Variants in ZRANB3 observed in about 807,000 individuals in gnomAD.
ZRANB3 encodes the protein zinc finger RANBP2-type containing 3.
A neutral mutation model predicts 133.8 loss-of-function variants in ZRANB3; 125 were observed. The ratio of observed to expected loss-of-function variants is 0.93; its 90% confidence interval spans 0.81 to 1.08. The LOEUF (loss-of-function observed/expected upper bound fraction) is 1.08. Ranked by LOEUF, ZRANB3 falls within the 50% of genes least tolerant of loss-of-function variation. ZRANB3 has a pLI of 0.00. For missense variants in ZRANB3, 1,229 were observed against 1,275.5 expected, an observed-to-expected ratio of 0.96 and a Z score of 0.56; for synonymous variants, 387 against 432.7, an observed-to-expected ratio of 0.89 and a Z score of 1.31.
chr2:135,396,526 C>A (rs768496936), intron 2 of ZRANB3, among the ~76,000 whole-genome samples: 4 of 152,124 alleles, frequency 2.6e-5, no homozygotes, highest in Non-Finnish European at 4.4e-5. Context: ...ATGGGTGGAA[C>A]TAGAGGTCAT....
intron 20 of ZRANB3, among the ~76,000 whole-genome samples, chr2:135,201,761 A>G (rs1444832060): frequency 1.3e-5 from 2 of 152,138 alleles, no homozygotes; most frequent in Non-Finnish European, 2.9e-5. Context: ...ACTGATTAGC[A>G]TCTTTTAAAA....
chr2:135,471,388 G>A (rs942076185), intron 2 of ZRANB3, among the ~76,000 whole-genome samples: 10 of 152,032 alleles, frequency 6.6e-5, no homozygotes, highest in African/African-American at 2.2e-4. Context: ...TAAGGAATAT[G>A]GTAACTTGCA....
chr2:135,244,539 T>A (rs1695701815), intron 12 of ZRANB3, among the ~76,000 whole-genome samples: 1 of 151,916 alleles, frequency 6.6e-6, no homozygotes, highest in Non-Finnish European at 1.5e-5. Flanking sequence ...ACCCAGGAAG[T>A]GGAGGTTGCA....
At chr2:135,351,377 C>T (rs1001809225) in intron 4 of ZRANB3, among the ~76,000 whole-genome samples, 4 of 150,680 alleles carry the variant, frequency 2.7e-5, no homozygotes, top group African/African-American at 9.8e-5. Flanking sequence ...ATGCCATTCT[C>T]CTGTCTCAGC....
chr2:135,321,901 A>G (rs895079823), intron 6 of ZRANB3, among the ~76,000 whole-genome samples: 1 of 151,928 alleles, frequency 6.6e-6, no homozygotes, highest in African/African-American at 2.4e-5. Context: ...TTCACCTCTT[A>G]ACAGTGTTGG....
At chr2:135,270,250 AT>A (rs979024919) in intron 10 of ZRANB3, among the ~76,000 whole-genome samples, 12 of 152,208 alleles carry the variant, frequency 7.9e-5, no homozygotes, top group African/African-American at 2.7e-4. Context: ...GACATCTTTA[AT>A]TTTATAAAAA....
intron 2 of ZRANB3, among the ~76,000 whole-genome samples, chr2:135,485,154 A>AAAACAAAACAAAAC (rs1559030560): frequency 5.9e-5 from 6 of 102,032 alleles, no homozygotes; most frequent in African/African-American, 5.3e-4. Flanking sequence ...CAAACAAAAC[A>AAAACAAAACAAAAC]AAACAAAACA....
At chr2:135,267,272 G>A (rs144335375) in intron 11 of ZRANB3, among the ~76,000 whole-genome samples, 2 of 152,210 alleles carry the variant, frequency 1.3e-5, no homozygotes, top group Non-Finnish European at 2.9e-5. Context: ...GGGTACCTGC[G>A]GAGTTCTGAG....
chr2:135,300,344 T>C (rs1388212489), intron 8 of ZRANB3, among the ~76,000 whole-genome samples: 1 of 152,140 alleles, frequency 6.6e-6, no homozygotes, highest in African/African-American at 2.4e-5. Context: ...TCTTTAAATT[T>C]TTCCTTCTTA....
In ZRANB3 at chr2:135,224,389, T is replaced by C; in HGVS notation, c.2250+37A>G. The C allele has an allele frequency of 2.0e-6, 3 of 1,515,954 alleles. No homozygotes were observed. The South Asian group carries it at 3.9e-5, about 20-fold the overall frequency. The allele number at this position is 1,515,954 out of a possible 1,614,324, so 93.9% of individuals were successfully genotyped here. A position where few individuals can be genotyped will look rare whatever the true frequency, so the allele number is the denominator to read the frequency against. On this transcript the variant is annotated intron_variant, in intron 15 of 20. Transcript: ENST00000264159. ...TGAAAAGTGAAAAAAGGAAGTCTTTTTTATGTTTCAAGTTACAGAATCTGC... is the reference window on the plus strand; with the variant it reads ...TGAAAAGTGAAAAAAGGAAGTCTTTCTTATGTTTCAAGTTACAGAATCTGC...
intron 2 of ZRANB3, among the ~76,000 whole-genome samples, chr2:135,429,623 G>A (rs1439677028): frequency 6.6e-6 from 1 of 151,942 alleles, no homozygotes; most frequent in Non-Finnish European, 1.5e-5. Flanking sequence ...GATGTGGGAA[G>A]CAGAGTCAAA....
At chr2:135,511,633 G>C (rs1693457091) in intron 1 of ZRANB3, 6 of 781,684 alleles carry the variant, frequency 7.7e-6, no homozygotes, top group Middle Eastern at 5.7e-4. Flanking sequence ...TCTCCTCAAA[G>C]CCTGGTTGTT....
rs748575655 is a variant in ZRANB3 at position 135,217,445 on chromosome 2, TA to T, written c.2495+19del. Reference sequence around the variant, plus strand: ...ATGAAAAGTAATATAATACAAAATTTAAAAAAAGACAACTCATACCTTTTGG... The same window carrying T: ...ATGAAAAGTAATATAATACAAAATTTAAAAAAGACAACTCATACCTTTTGG... On this transcript the variant is annotated intron_variant, in intron 17 of 20. Transcript: ENST00000264159. The T allele has an allele frequency of 1.3e-6, 2 of 1,578,784 alleles. No individual in the cohort carries two copies. The highest frequency in any genetic ancestry group is 1.7e-6 in the Non-Finnish European group (2 of 1,166,804).
At position 135,358,916 on chromosome 2, in the gene ZRANB3, GA is replaced by G. The variant is rs556688345; in HGVS notation, c.181-5289del. ...ATGCAAGCCCCGGCCCACATGGTAA[GA>G]ACCCTCACCTTAACCCCACCCCATA... On this transcript the variant is annotated intron_variant, in intron 3 of 20. Transcript: ENST00000264159. 2.2e-4 allele frequency among the ~76,000 whole-genome samples: 33 copies of G among 151,906 alleles called. No homozygotes were observed. The South Asian group carries it at 5.8e-3, about 27-fold the overall frequency.
chr2:135,264,483 A>AAAAG (rs1680124043), intron 12 of ZRANB3, among the ~76,000 whole-genome samples: 4 of 151,652 alleles, frequency 2.6e-5, no homozygotes, highest in Admixed American at 1.3e-4. Flanking sequence ...AAAAAAAAAA[A>AAAAG]AAAAGAAAAG....
At chr2:135,417,854 G>GC (rs1302044101) in intron 2 of ZRANB3, among the ~76,000 whole-genome samples, 2 of 152,008 alleles carry the variant, frequency 1.3e-5, no homozygotes, top group African/African-American at 2.4e-5. Flanking sequence ...GTAAACTATC[G>GC]CAAGGACAAA....
At chr2:135,514,747 C>T (rs1368471067) in intron 1 of ZRANB3, among the ~76,000 whole-genome samples, 1 of 152,176 alleles carries the variant, frequency 6.6e-6, no homozygotes, top group Non-Finnish European at 1.5e-5. Flanking sequence ...AGCTTTCACC[C>T]ATTCAGTATG....
intron 12 of ZRANB3, among the ~76,000 whole-genome samples, chr2:135,238,521 G>A (rs1489279768): frequency 2.6e-5 from 4 of 151,482 alleles, no homozygotes; most frequent in African/African-American, 9.7e-5. Flanking sequence ...TCACTATCAC[G>A]CCCAGCTAAT....
chr2:135,322,774 T>C (rs1440508025), intron 6 of ZRANB3, among the ~76,000 whole-genome samples: 1 of 152,068 alleles, frequency 6.6e-6, no homozygotes, highest in Non-Finnish European at 1.5e-5. Flanking sequence ...CTTAGCACTT[T>C]GGGAGGCCGA....
Sources: allele counts gnomAD v4.1 joint callset (sites outside exome capture counted in the v4.1 genomes callset), GRCh38; gene constraint gnomAD v4.1.1; transcripts MANE v1.5; gene names NCBI Gene and HGNC (gene_info 2026-07-23, HGNC 2026-07-21).